Variants in FARP2 observed in about 807,000 individuals in gnomAD.
The protein encoded by FARP2 is FERM, ARH/RhoGEF and pleckstrin domain protein 2.
In FARP2, 111 loss-of-function variants were observed where a neutral mutation model predicts 130.5. The observed-to-expected ratio is 0.85, with a 90% CI of 0.73 to 1.00. The LOEUF (loss-of-function observed/expected upper bound fraction) is 1.00. FARP2 is among the 50% of genes least tolerant of loss of function. The pLI is 0.00. For missense variants in FARP2, 1,385 were observed against 1,346.3 expected, an observed-to-expected ratio of 1.03 and a Z score of -0.45; for synonymous variants, 504 against 516.9, an observed-to-expected ratio of 0.98 and a Z score of 0.34.
chr2:241,405,184 T>C (rs60132543), intron 4 of FARP2: 34,613 of 182,900 alleles, frequency 0.19, 3,628 homozygotes, highest in East Asian at 0.4. Flanking sequence ...TAGTTGATAC[T>C]GTTTTACAGT....
chr2:241,358,733 G>A (rs1213231589), intron 1 of FARP2, among the ~76,000 whole-genome samples: 2 of 152,094 alleles, frequency 1.3e-5, no homozygotes, highest in Admixed American at 6.5e-5. Flanking sequence ...AGGTAATTCC[G>A]GTCATGTTCT....
chr2:241,440,226 T>C (rs183064265), intron 12 of FARP2, among the ~76,000 whole-genome samples: 3 of 152,344 alleles, frequency 2.0e-5, no homozygotes, highest in African/African-American at 4.8e-5. Flanking sequence ...CAAAAAGTTA[T>C]TCAGTTGTGT....
chr2:241,420,043 C>A (rs1024335998), intron 8 of FARP2, among the ~76,000 whole-genome samples: 1 of 152,124 alleles, frequency 6.6e-6, no homozygotes, highest in Non-Finnish European at 1.5e-5. Flanking sequence ...CCCAGCTACT[C>A]AGGAGGCTGA....
intron 15 of FARP2, 80 bp downstream of exon 15, chr2:241,462,692 C>CT (rs2064056439): frequency 7.1e-6 from 7 of 983,374 alleles, no homozygotes; most frequent in Admixed American, 4.3e-5. Flanking sequence ...TCTTTTTTTT[C>CT]TTTTTTTCTT....
intron 2 of FARP2, among the ~76,000 whole-genome samples, chr2:241,401,258 C>T (rs2062159697): frequency 6.6e-6 from 1 of 152,142 alleles, no homozygotes; most frequent in Non-Finnish European, 1.5e-5. Context: ...TTTGCCTCCC[C>T]CAGTTTGCAC....
At chr2:241,380,494 T>C (rs1012473133) in intron 2 of FARP2, among the ~76,000 whole-genome samples, 1 of 152,158 alleles carries the variant, frequency 6.6e-6, no homozygotes, top group Non-Finnish European at 1.5e-5. Context: ...TTATCTAACA[T>C]GCTTAGGATC....
intron 17 of FARP2, chr2:241,465,397 G>A (rs941681395): frequency 1.4e-5 from 18 of 1,306,072 alleles, no homozygotes; most frequent in Non-Finnish European, 1.8e-5. Flanking sequence ...GCTGCTGTGG[G>A]GAGGGCAGGG....
intron 1 of FARP2, among the ~76,000 whole-genome samples, chr2:241,358,188 C>CA (rs964006185): frequency 8.6e-5 from 13 of 150,784 alleles, no homozygotes; most frequent in Non-Finnish European, 1.6e-4. Context: ...GACTCTGTCT[C>CA]AAAAAAATAA....
intron 17 of FARP2, chr2:241,466,665 C>T: frequency 1.1e-6 from 1 of 947,350 alleles, no homozygotes. Flanking sequence ...GCGGGCCAGC[C>T]CCGCCTTCAC....
At position 241,428,234 on chromosome 2, in the gene FARP2, C is replaced by CTT. The variant is rs11397989; in HGVS notation, c.772-3428_772-3427dup. On this transcript the variant is annotated intron_variant, in intron 8 of 26. Transcript: ENST00000264042. ...TAGTTGAAAATCCTCCAATATTTTA[C>CTT]TTTTTTTTTTTTTTTTTTGAGACGG... 7.9e-3 allele frequency among the ~76,000 whole-genome samples: 991 copies of CTT among 124,930 alleles called. 35 individuals are homozygous for CTT. The highest frequency in any genetic ancestry group is 0.048 in the Admixed American group (552 of 11,388). The allele number at this position is 124,930 out of a possible 152,430, so 82.0% of individuals were successfully genotyped here.
intron 5 of FARP2, among the ~76,000 whole-genome samples, chr2:241,409,038 T>TGATAGATATA (rs2062442600): frequency 6.9e-6 from 1 of 145,930 alleles, no homozygotes; most frequent in African/African-American, 2.6e-5. Context: ...GATAGATAGA[T>TGATAGATATA]GATAGATAGA....
At chr2:241,450,372 A>T (rs892427365) in intron 13 of FARP2, among the ~76,000 whole-genome samples, 3 of 151,832 alleles carry the variant, frequency 2.0e-5, no homozygotes, top group Non-Finnish European at 4.4e-5. Flanking sequence ...CAACCAAAAA[A>T]ACAAAACAAA....
At chr2:241,379,618 GT>G (rs1320288700) in intron 2 of FARP2, among the ~76,000 whole-genome samples, 2 of 152,160 alleles carry the variant, frequency 1.3e-5, no homozygotes, top group Admixed American at 1.3e-4. Flanking sequence ...AAAACTTAAT[GT>G]TTTCATTCTG....
At chr2:241,463,723 C>T (rs2064090764) in intron 16 of FARP2, 176 bp from the exon 17 acceptor site, 2 of 681,934 alleles carry the variant, frequency 2.9e-6, no homozygotes, top group African/African-American at 3.6e-5. Flanking sequence ...AGAGAATGGC[C>T]AGACACATAA....
chr2:241,430,343 G>A (rs771662658), intron 8 of FARP2, among the ~76,000 whole-genome samples: 7 of 152,136 alleles, frequency 4.6e-5, no homozygotes, highest in Admixed American at 2.0e-4. Context: ...GAGCCCAGCC[G>A]TTTTAGTGAA....
At position 241,387,532 on chromosome 2, in the gene FARP2, G is replaced by T. The variant is rs143475899; in HGVS notation, c.183+14242G>T. Among the ~76,000 whole-genome samples, 662 of 152,256 alleles carry T rather than the reference G, an allele frequency of 4.3e-3. 29 individuals are homozygous for T. In the East Asian group the frequency reaches 0.065, roughly 15 times the overall value. ...TTATTGGCCAGACGCAGTGGCTCAT[G>T]CCTGTAATCCCAGCACTTTGGGAGG... On this transcript the variant is annotated intron_variant, in intron 2 of 26. Coordinates refer to ENST00000264042, the MANE Select transcript of FARP2 (RefSeq NM_014808.4).
At chr2:241,447,264 C>A (rs1433095490) in intron 13 of FARP2, 1 of 152,202 alleles carries the variant, frequency 6.6e-6, no homozygotes, top group South Asian at 2.1e-4. Flanking sequence ...GTGTCACTGA[C>A]ATCTTCATAG....
intron 2 of FARP2, among the ~76,000 whole-genome samples, chr2:241,399,491 G>C (rs1011537180): frequency 6.6e-6 from 1 of 152,142 alleles, no homozygotes; most frequent in Non-Finnish European, 1.5e-5. Context: ...TTTTAGTAGA[G>C]AGTAGTGAAA....
Position 241,431,686 on chromosome 2 carries a change from C to A in FARP2, c.779C>A (p.Thr260Asn), listed in dbSNP as rs757978. ...HMGVLVFQGTTKINTFNWSKV... is the reference protein window; with the variant it reads ...HMGVLVFQGTNKINTFNWSKV... ...CTGTCTCTTGCATTTCAGGGCACCA[C>A]CAAAATCAACACTTTCAACTGGTCC... The change falls in exon 9 of 27, where the codon ACC (threonine) becomes AAC (asparagine). Residue 260 changes from threonine (T) to asparagine (N), a missense_variant. Coordinates refer to ENST00000264042, the MANE Select transcript of FARP2 (RefSeq NM_014808.4). 2 of 1,577,918 alleles carry A rather than the reference C, an allele frequency of 1.3e-6. No individual in the cohort carries two copies. The highest frequency in any genetic ancestry group is 1.7e-6 in the Non-Finnish European group (2 of 1,151,084).
Sources: allele counts gnomAD v4.1 joint callset (sites outside exome capture counted in the v4.1 genomes callset), GRCh38; gene constraint gnomAD v4.1.1; transcripts MANE v1.5; gene names NCBI Gene and HGNC (gene_info 2026-07-23, HGNC 2026-07-21).